Variants in MACROD2 observed in about 807,000 individuals in gnomAD.
MACROD2 encodes ADP-ribose glycohydrolase MACROD2.
A neutral mutation model predicts 70.4 loss-of-function variants in MACROD2; 36 were observed. The observed-to-expected ratio is 0.51, with a 90% confidence interval of 0.39 to 0.68. The LOEUF (loss-of-function observed/expected upper bound fraction) is 0.68, where lower values mean the gene tolerates loss of function less well. Ranked by LOEUF, MACROD2 falls within the 30% of genes least tolerant of loss-of-function variation. The pLI is 0.00. For missense variants in MACROD2, 496 were observed against 538.4 expected (o/e 0.92, Z 0.78); for synonymous variants, 172 against 178.8 (o/e 0.96, Z 0.30).
intron 2 of MACROD2, among the ~76,000 whole-genome samples, chr20:14,078,569 G>T (rs2053947595): frequency 6.6e-6 from 1 of 152,004 alleles, no homozygotes; most frequent in Non-Finnish European, 1.5e-5. Flanking sequence ...ACCACGCCTG[G>T]CTAATTTTGG....
chr20:14,690,071 TC>T (rs1289197329), intron 5 of MACROD2, among the ~76,000 whole-genome samples: 10 of 81,796 alleles, frequency 1.2e-4, no homozygotes, highest in African/African-American at 5.4e-4. Flanking sequence ...ATGGAGTTTC[TC>T]CTAAGGAGAA....
intron 6 of MACROD2, among the ~76,000 whole-genome samples, chr20:15,363,036 C>A (rs1253554132): frequency 1.3e-5 from 2 of 151,780 alleles, no homozygotes; most frequent in Non-Finnish European, 2.9e-5. Context: ...AGGGAGGAAG[C>A]CCCTTAGGAA....
chr20:14,045,828 G>T (rs910904713), intron 2 of MACROD2, among the ~76,000 whole-genome samples: 1 of 152,142 alleles, frequency 6.6e-6, no homozygotes, highest in East Asian at 1.9e-4. Flanking sequence ...ATACCAGGTA[G>T]ATCTGAAAAA....
intron 5 of MACROD2, among the ~76,000 whole-genome samples, chr20:14,937,438 G>A (rs952929760): frequency 6.6e-6 from 1 of 152,062 alleles, no homozygotes; most frequent in Non-Finnish European, 1.5e-5. Flanking sequence ...TGTGAATAAT[G>A]GAGAATCAGT....
At chr20:14,193,582 C>A (rs115922158) in intron 3 of MACROD2, among the ~76,000 whole-genome samples, 2,129 of 152,198 alleles carry the variant, frequency 0.014, 44 homozygotes, top group African/African-American at 0.048. Flanking sequence ...ACCCTAGGAC[C>A]TAGGGATCAA....
chr20:15,236,845 G>A (rs1401047012), intron 6 of MACROD2, among the ~76,000 whole-genome samples: 1 of 152,158 alleles, frequency 6.6e-6, no homozygotes, highest in Non-Finnish European at 1.5e-5. Context: ...GTTGAGGTGG[G>A]ATTTAAACTG....
At chr20:14,548,704 T>C (rs11698797) in intron 4 of MACROD2, among the ~76,000 whole-genome samples, 27,526 of 28,378 alleles carry the variant, frequency 0.97, 13,385 homozygotes, top group East Asian at 1. Context: ...GGCGACAGAG[T>C]GAGACTCCGT....
chr20:15,716,010 A>G lies in MACROD2; in HGVS notation c.646-146735A>G, dbSNP rs1244502511. ...TAGGTTGGCATTTTTACTCCAAATTATGCAAGGTGTTATGGCATTTTACAT... is the reference window on the plus strand; with the variant it reads ...TAGGTTGGCATTTTTACTCCAAATTGTGCAAGGTGTTATGGCATTTTACAT... On this transcript the variant is annotated intron_variant, in intron 8 of 17. Coordinates refer to ENST00000684519, the MANE Select transcript of MACROD2 (RefSeq NM_001351661.2). Among the ~76,000 whole-genome samples the G allele has an allele frequency of 5.9e-5, 9 of 152,286 alleles. No individual in the cohort carries two copies. In the East Asian group the frequency reaches 1.7e-3, roughly 29 times the overall value.
chr20:14,382,494 C>A (rs1228621225), intron 3 of MACROD2, among the ~76,000 whole-genome samples: 2 of 151,754 alleles, frequency 1.3e-5, no homozygotes, highest in South Asian at 4.2e-4. Flanking sequence ...CGTGGAGAAA[C>A]CCTGTCTCTA....
At chr20:14,231,846 A>G (rs2081816427) in intron 3 of MACROD2, among the ~76,000 whole-genome samples, 1 of 152,096 alleles carries the variant, frequency 6.6e-6, no homozygotes, top group African/African-American at 2.4e-5. Context: ...CTGGTGTGAG[A>G]TGGTATCTCA....
intron 5 of MACROD2, among the ~76,000 whole-genome samples, chr20:14,692,367 T>C (rs1186045563): frequency 2.6e-5 from 4 of 152,316 alleles, no homozygotes; most frequent in Admixed American, 2.6e-4. Context: ...CTCTGACACG[T>C]TCTTCTTTTC....
At chr20:14,212,609 T>A (rs554480410) in intron 3 of MACROD2, among the ~76,000 whole-genome samples, 1 of 152,172 alleles carries the variant, frequency 6.6e-6, no homozygotes, top group East Asian at 1.9e-4. Flanking sequence ...GTGGAAAGAA[T>A]GTAGAATTTG....
At chr20:16,014,480 A>C (rs911787656) in intron 15 of MACROD2, among the ~76,000 whole-genome samples, 3 of 152,208 alleles carry the variant, frequency 2.0e-5, no homozygotes, top group African/African-American at 7.2e-5. Flanking sequence ...GAAAAGTCCT[A>C]TGTGGATTTG....
At chr20:15,386,637 A>C (rs968492076) in intron 6 of MACROD2, among the ~76,000 whole-genome samples, 2 of 152,202 alleles carry the variant, frequency 1.3e-5, no homozygotes, top group African/African-American at 4.8e-5. Flanking sequence ...TTACATTATA[A>C]TATCAGACCC....
At chr20:14,853,671 G>A (rs1471213415) in intron 5 of MACROD2, among the ~76,000 whole-genome samples, 9 of 152,018 alleles carry the variant, frequency 5.9e-5, no homozygotes, top group Admixed American at 3.3e-4. Context: ...AAATGAGTAT[G>A]CTGCATCGAT....
rs142338545 is a variant in MACROD2, at chr20:15,606,719, C to G, written c.645+106872C>G. 2.6e-3 allele frequency among the ~76,000 whole-genome samples: 396 copies of G among 152,170 alleles called. 3 individuals are homozygous for G. Among genetic ancestry groups the G allele is most frequent in the African/African-American group, 9.0e-3 (375 of 41,546 alleles). On this transcript the variant is annotated intron_variant, in intron 8 of 17. Transcript: ENST00000684519. ...TGACTTTATTTCAAAAATTGGGGAACTGGCTAGGCGCAGTGGCTCATGCTT... is the reference window on the plus strand; with the variant it reads ...TGACTTTATTTCAAAAATTGGGGAAGTGGCTAGGCGCAGTGGCTCATGCTT...
At chr20:16,049,727 G>T (rs6110884) in intron 17 of MACROD2, 103 bp from the exon 18 acceptor site, 3 of 1,152,354 alleles carry the variant, frequency 2.6e-6, no homozygotes, top group South Asian at 2.7e-5. Flanking sequence ...GCCTATGTGA[G>T]GGGTGAGAGA....
chr20:14,070,774 G>A (rs1362842284), intron 2 of MACROD2, among the ~76,000 whole-genome samples: 1 of 152,206 alleles, frequency 6.6e-6, no homozygotes, highest in Non-Finnish European at 1.5e-5. Context: ...TCCTGTCTAT[G>A]GGTGCCAAAA....
At chr20:15,930,184 C>A (rs931196416) in intron 10 of MACROD2, among the ~76,000 whole-genome samples, 1 of 152,190 alleles carries the variant, frequency 6.6e-6, no homozygotes, top group Admixed American at 6.5e-5. Context: ...TTACACATCC[C>A]TCTACTTAAT....
Sources: allele counts gnomAD v4.1 joint callset (sites outside exome capture counted in the v4.1 genomes callset), GRCh38; gene constraint gnomAD v4.1.1; transcripts MANE v1.5; gene names NCBI Gene and HGNC (gene_info 2026-07-23, HGNC 2026-07-21).